Variants in XYLT1 observed in about 807,000 individuals in gnomAD.
XYLT1 encodes beta-D-xylosyltransferase 1.
In XYLT1, 36 loss-of-function variants were observed where a neutral mutation model predicts 91.3. That is an observed-to-expected ratio of 0.39 (90% CI 0.30 to 0.52). The LOEUF (loss-of-function observed/expected upper bound fraction) is 0.52, where lower values mean the gene tolerates loss of function less well. Among genes scored for constraint, XYLT1 ranks in the 20% least tolerant of loss-of-function variants. The pLI is 0.68. For synonymous variants in XYLT1, 588 were observed against 532.0 expected (o/e 1.11, Z -1.45); for missense variants, 1,242 against 1,284.5 (o/e 0.97, Z 0.51).
intron 2 of XYLT1, among the ~76,000 whole-genome samples, chr16:17,322,654 C>T (rs1455574055): frequency 6.6e-6 from 1 of 152,190 alleles, no homozygotes; most frequent in Non-Finnish European, 1.5e-5. Flanking sequence ...CTCTTTTTTA[C>T]TCATTGGATC....
intron 2 of XYLT1, among the ~76,000 whole-genome samples, chr16:17,351,872 A>C (rs2035225571): frequency 6.6e-6 from 1 of 152,034 alleles, no homozygotes; most frequent in Non-Finnish European, 1.5e-5. Context: ...GGCCAGGTAC[A>C]GTGGCTCATG....
chr16:17,273,233 T>C (rs1362559985), intron 2 of XYLT1, among the ~76,000 whole-genome samples: 1 of 152,232 alleles, frequency 6.6e-6, no homozygotes, highest in East Asian at 1.9e-4. Flanking sequence ...GAAGAGATTT[T>C]ATATCACTTA....
chr16:17,300,611 C>T (rs969922317), intron 2 of XYLT1, among the ~76,000 whole-genome samples: 3 of 148,472 alleles, frequency 2.0e-5, no homozygotes, highest in African/African-American at 7.9e-5. Context: ...CACCTGCCAC[C>T]ATACCTGGCT....
At chr16:17,454,635 C>T (rs971637783) in intron 1 of XYLT1, among the ~76,000 whole-genome samples, 22 of 151,626 alleles carry the variant, frequency 1.5e-4, no homozygotes, top group African/African-American at 5.1e-4. Flanking sequence ...CTCCCGGGTT[C>T]AAGTGATTCT....
chr16:17,188,428 A>G (rs562694174), intron 5 of XYLT1, among the ~76,000 whole-genome samples: 266 of 152,178 alleles, frequency 1.7e-3, no homozygotes, highest in African/African-American at 6.1e-3. Context: ...TGTTTCACCC[A>G]TAGTTGCCTT....
chr16:17,441,286 T>C (rs542804147), intron 1 of XYLT1, among the ~76,000 whole-genome samples: 42 of 152,240 alleles, frequency 2.8e-4, no homozygotes, highest in African/African-American at 8.9e-4. Flanking sequence ...TAGAGACCTT[T>C]ATGATAAATC....
At chr16:17,170,363 A>T (rs532650668) in intron 5 of XYLT1, among the ~76,000 whole-genome samples, 38 of 152,252 alleles carry the variant, frequency 2.5e-4, no homozygotes, top group African/African-American at 9.1e-4. Flanking sequence ...TGGGTCATCT[A>T]TGTTCCCCAA....
intron 1 of XYLT1, among the ~76,000 whole-genome samples, chr16:17,375,075 C>T (rs1453061644): frequency 6.6e-6 from 1 of 152,176 alleles, no homozygotes; most frequent in Non-Finnish European, 1.5e-5. Context: ...AAGGCAGACA[C>T]AGGCTCAGAG....
At chr16:17,404,715 G>A (rs552966144) in intron 1 of XYLT1, among the ~76,000 whole-genome samples, 4 of 151,800 alleles carry the variant, frequency 2.6e-5, no homozygotes, top group East Asian at 1.9e-4. Flanking sequence ...GCGGGAGGAC[G>A]ACTTGAGGTC....
chr16:17,276,379 T>C (rs995415831), intron 2 of XYLT1, among the ~76,000 whole-genome samples: 3 of 152,204 alleles, frequency 2.0e-5, no homozygotes, highest in Non-Finnish European at 4.4e-5. Context: ...ACATCCAATG[T>C]CGATTGGAAG....
intron 1 of XYLT1, among the ~76,000 whole-genome samples, chr16:17,399,267 A>T (rs74772983): frequency 0.054 from 8,192 of 152,158 alleles, 285 homozygotes; most frequent in Non-Finnish European, 0.083. Flanking sequence ...GCTCAAGGCC[A>T]TCCTCGAGGC....
chr16:17,293,052 C>T (rs140246412), intron 2 of XYLT1, among the ~76,000 whole-genome samples: 4 of 152,298 alleles, frequency 2.6e-5, no homozygotes, highest in Non-Finnish European at 5.9e-5. Flanking sequence ...TTCCCACCTG[C>T]AGCTACAAGC....
intron 1 of XYLT1, among the ~76,000 whole-genome samples, chr16:17,374,120 A>G (rs2035568087): frequency 6.6e-6 from 1 of 152,230 alleles, no homozygotes; most frequent in African/African-American, 2.4e-5. Context: ...CAACTTGTCC[A>G]AGGTAGAGGA....
In XYLT1 at chr16:17,108,983, G is replaced by T; in HGVS notation, c.2592C>A (p.Arg864=). The T allele has an allele frequency of 6.4e-7, 1 of 1,551,992 alleles. No individual in the cohort carries two copies. The part of the protein sequence containing the change: ...EALKLHNGPL[R]NAYMEQSFQS... ...GGAAGCTCTGCTCCATGTAGGCATT[G>T]CGGAGGGGCCCATTGTGCAGCTTCA... The change falls in exon 12 of 12, where the codon CGC becomes CGA. Residue 864 remains arginine (R), a synonymous_variant. Coordinates refer to ENST00000261381, the MANE Select transcript of XYLT1 (RefSeq NM_022166.4).
At chr16:17,153,778 C>T (rs146142734) in intron 6 of XYLT1, among the ~76,000 whole-genome samples, 34 of 152,302 alleles carry the variant, frequency 2.2e-4, no homozygotes, top group Admixed American at 7.2e-4. Context: ...CATAAACACA[C>T]TTTGCAAAAT....
intron 2 of XYLT1, among the ~76,000 whole-genome samples, chr16:17,271,990 C>G (rs778238365): frequency 6.6e-6 from 1 of 152,060 alleles, no homozygotes; most frequent in Non-Finnish European, 1.5e-5. Context: ...AGGGAGGAGG[C>G]TGGCTGGGGT....
At chr16:17,273,653 G>A (rs2033929042) in intron 2 of XYLT1, among the ~76,000 whole-genome samples, 1 of 152,020 alleles carries the variant, frequency 6.6e-6, no homozygotes, top group Non-Finnish European at 1.5e-5. Context: ...AGGCCAGCCT[G>A]GCTAACATGA....
rs542835609 is a variant in XYLT1 at position 17,443,938 on chromosome 16, A to G, written c.363+26496T>C. Among the ~76,000 whole-genome samples the G allele has an allele frequency of 3.9e-5, 6 of 151,958 alleles. 1 individual carries two copies. Among genetic ancestry groups the G allele is most frequent in the Non-Finnish European group, 5.9e-5 (4 of 67,980 alleles). On this transcript the variant is annotated intron_variant, in intron 1 of 11. Coordinates refer to ENST00000261381, the MANE Select transcript of XYLT1 (RefSeq NM_022166.4). The stretch of plus-strand genomic sequence containing the variant: ...AATCCAAACTCCTTGCTTTGGTCTC[A>G]ATCTCAAAGCTCCCCATATTTTCAC...
chr16:17,215,950 G>C (rs1216300980), intron 3 of XYLT1, among the ~76,000 whole-genome samples: 1 of 152,078 alleles, frequency 6.6e-6, no homozygotes, highest in Non-Finnish European at 1.5e-5. Flanking sequence ...CATGGTTGAG[G>C]AGTGGGTGGC....
Sources: gnomAD v4.1 joint callset for allele counts (sites outside exome capture counted in the v4.1 genomes callset) on GRCh38, gnomAD v4.1.1 for gene constraint, MANE v1.5 for transcripts, NCBI Gene and HGNC (gene_info 2026-07-23, HGNC 2026-07-21) for gene names.